SEM1: variants seen among roughly 807,000 people sequenced by gnomAD.
SEM1 encodes SEM1 26S proteasome subunit.
Under a neutral mutation model 12.7 loss-of-function variants are expected in SEM1, and 3 were observed. The observed-to-expected ratio is 0.24, with a 90% confidence interval of 0.11 to 0.61. SEM1 has a LOEUF of 0.61. Among genes scored for constraint, SEM1 ranks in the 20% least tolerant of loss-of-function variants. The pLI is 0.88. For missense variants in SEM1, 59 were observed against 81.3 expected (o/e 0.73, Z 1.06); for synonymous variants, 30 against 27.8 (o/e 1.08, Z -0.25).
intron 2 of SEM1, among the ~76,000 whole-genome samples, chr7:96,626,546 G>C (rs1476841738): frequency 6.6e-6 from 1 of 151,860 alleles, no homozygotes; most frequent in Non-Finnish European, 1.5e-5. Context: ...TGATCATATG[G>C]GTTTTTTAAT....
chr7:96,676,511 TAC>T (rs1226118226), intron 2 of SEM1, among the ~76,000 whole-genome samples: 1 of 152,230 alleles, frequency 6.6e-6, no homozygotes, highest in Non-Finnish European at 1.5e-5. Context: ...CATGCTATGC[TAC>T]AGTTTTTAAT....
intron 1 of SEM1, among the ~76,000 whole-genome samples, chr7:96,487,993 T>C (rs979239239): frequency 1.3e-5 from 2 of 150,914 alleles, no homozygotes; most frequent in African/African-American, 5.0e-5. Context: ...GTTCTTATCA[T>C]TCACATTTCT....
At chr7:96,582,230 C>A (rs916452452) in intron 2 of SEM1, among the ~76,000 whole-genome samples, 2 of 149,864 alleles carry the variant, frequency 1.3e-5, no homozygotes, top group African/African-American at 2.5e-5. Context: ...TTGAGATAAT[C>A]ATGTGGTTTT....
chr7:96,513,147 A>G (rs796207976), intron 2 of SEM1, among the ~76,000 whole-genome samples: 11 of 152,208 alleles, frequency 7.2e-5, no homozygotes, highest in African/African-American at 2.6e-4. Flanking sequence ...AGACAGATAC[A>G]CAACAAGGGA....
chr7:96,709,605 C>G, intron 1 of SEM1, 83 bp downstream of exon 1: 1 of 1,347,280 alleles, frequency 7.4e-7, no homozygotes, highest in African/African-American at 1.5e-5. Context: ...GTGCCCCCAG[C>G]TGGGCCCGAG....
intron 2 of SEM1, among the ~76,000 whole-genome samples, chr7:96,675,725 A>T (rs929141384): frequency 6.6e-6 from 1 of 152,152 alleles, no homozygotes; most frequent in East Asian, 1.9e-4. Flanking sequence ...CCAGGGGGCC[A>T]GGCAATCAAA....
intron 1 of SEM1, chr7:96,706,280 T>A (rs1202135018): frequency 6.6e-6 from 1 of 152,028 alleles, no homozygotes; most frequent in Non-Finnish European, 1.5e-5. Flanking sequence ...GAGAAGAAAC[T>A]ATGCTGACAT....
intron 2 of SEM1, among the ~76,000 whole-genome samples, chr7:96,615,941 C>T (rs921684609): frequency 1.3e-5 from 2 of 152,088 alleles, no homozygotes; most frequent in African/African-American, 4.8e-5. Context: ...TCATATAATC[C>T]TCCACTGATG....
intron 2 of SEM1, among the ~76,000 whole-genome samples, chr7:96,512,330 C>T (rs575279711): frequency 2.3e-4 from 35 of 152,158 alleles, no homozygotes; most frequent in African/African-American, 8.2e-4. Context: ...TGAGACTCTT[C>T]TGACTTATGG....
chr7:96,650,428 C>T (rs575591734), intron 2 of SEM1: 24 of 714,628 alleles, frequency 3.4e-5, no homozygotes, highest in South Asian at 6.0e-5. Flanking sequence ...ATGGGCACCT[C>T]GCCCAATGTG....
At chr7:96,486,076 A>G in intron 2 of SEM1, 2 of 670,372 alleles carry the variant, frequency 3.0e-6, no homozygotes, top group Non-Finnish European at 5.0e-6. Context: ...TATCACGTGT[A>G]AAGATCACGG....
rs752536118 is a variant in SEM1, at chr7:96,536,043, T to C, written c.171-29345A>G. 5.3e-5 allele frequency among the ~76,000 whole-genome samples: 8 copies of C among 152,056 alleles called. No individual in the cohort carries two copies. The East Asian group carries it at 1.6e-3, about 30-fold the overall frequency. ...TCTTTGAGGAATAACCACACTGCTT[T>C]CCACAATGGTTGAAATAATTTACAC... is the stretch of plus-strand genomic sequence containing the variant. On this transcript the variant is annotated intron_variant and NMD_transcript_variant, in intron 2 of 3. Transcript: ENST00000466986.
chr7:96,486,442 T>A, intron 1 of SEM1: 1 of 1,525,182 alleles, frequency 6.6e-7, no homozygotes, highest in Non-Finnish European at 8.8e-7. Flanking sequence ...GAAGGTATTA[T>A]CCTAGACCTT....
intron 2 of SEM1, chr7:96,653,909 A>G (rs1262183042): frequency 6.6e-6 from 1 of 152,242 alleles, no homozygotes; most frequent in Admixed American, 6.5e-5. Flanking sequence ...CCGGGGAATT[A>G]TACTTAATAG....
chr7:96,521,594 C>A (rs369375499), intron 2 of SEM1, among the ~76,000 whole-genome samples: 1 of 152,064 alleles, frequency 6.6e-6, no homozygotes, highest in Non-Finnish European at 1.5e-5. Flanking sequence ...CAACTCGGCA[C>A]GGTATTTTCG....
intron 1 of SEM1, among the ~76,000 whole-genome samples, chr7:96,697,992 T>G (rs1291328443): frequency 6.6e-6 from 1 of 152,188 alleles, no homozygotes; most frequent in Non-Finnish European, 1.5e-5. Flanking sequence ...CTACTATATT[T>G]TCTCTAACAA....
intron 2 of SEM1, among the ~76,000 whole-genome samples, chr7:96,656,792 TC>T (rs1809195141): frequency 6.6e-6 from 1 of 151,726 alleles, no homozygotes; most frequent in South Asian, 2.1e-4. Flanking sequence ...ATATACACTC[TC>T]CAACTGTTGG....
intron 1 of SEM1, among the ~76,000 whole-genome samples, chr7:96,702,492 G>T (rs1790301508): frequency 6.6e-6 from 1 of 152,196 alleles, no homozygotes; most frequent in Admixed American, 6.5e-5. Context: ...ATGGCAAAAG[G>T]ACACAGAAGA....
At chr7:96,557,848 G>A (rs775632739) in intron 2 of SEM1, among the ~76,000 whole-genome samples, 5 of 152,142 alleles carry the variant, frequency 3.3e-5, no homozygotes, top group African/African-American at 4.8e-5. Context: ...GCCAGGCTCC[G>A]TGGGCGTAGG....
Sources: allele counts gnomAD v4.1 joint callset (sites outside exome capture counted in the v4.1 genomes callset), GRCh38; gene constraint gnomAD v4.1.1; transcripts MANE v1.5; gene names NCBI Gene and HGNC (gene_info 2026-07-23, HGNC 2026-07-21).